The following SLC8A1 variants were observed in gnomAD, a reference collection of about 807,000 sequenced individuals.
The protein encoded by SLC8A1 is solute carrier family 8 member A1, also known as sodium/calcium exchanger 1.
A neutral mutation model predicts 68.3 loss-of-function variants in SLC8A1; 18 were observed. That is an observed-to-expected ratio of 0.26 (90% CI 0.18 to 0.39). The LOEUF is 0.39. Among genes scored for constraint, SLC8A1 ranks in the 10% least tolerant of loss-of-function variants. The pLI is 1.00. For missense variants in SLC8A1, 985 were observed against 1,156.7 expected, an observed-to-expected ratio of 0.85 and a Z score of 2.15; for synonymous variants, 475 against 415.5, an observed-to-expected ratio of 1.14 and a Z score of -1.74.
chr2:40,122,197 T>TGC (rs58019753), intron 7 of SLC8A1, among the ~76,000 whole-genome samples: 22,101 of 115,890 alleles, frequency 0.19, 1,849 homozygotes, highest in Admixed American at 0.26. Context: ...CACAAGTGCA[T>TGC]GCGCGCGCGC....
chr2:40,315,023 G>A (rs943425394), intron 2 of SLC8A1, among the ~76,000 whole-genome samples: 3 of 151,852 alleles, frequency 2.0e-5, no homozygotes, highest in Non-Finnish European at 4.4e-5. Context: ...CCAGTACAAC[G>A]TTGAATAAAA....
rs189469877 is a variant in SLC8A1, at chr2:40,224,285, G to T, written c.1809-46430C>A. On this transcript the variant is annotated intron_variant, in intron 2 of 7. Transcript: ENST00000406785. ...GAAAAGACAGAGGCCCGATTAAAAGGCTTCAGGAGGCAGAGTCAGAGAGGC... is the reference window on the plus strand; with the variant it reads ...GAAAAGACAGAGGCCCGATTAAAAGTCTTCAGGAGGCAGAGTCAGAGAGGC... 2.8e-3 allele frequency among the ~76,000 whole-genome samples: 432 copies of T among 152,156 alleles called. 2 individuals carry two copies. Among genetic ancestry groups the T allele is most frequent in the African/African-American group, 9.5e-3 (393 of 41,514 alleles).
intron 2 of SLC8A1, among the ~76,000 whole-genome samples, chr2:40,300,339 A>G (rs1323558775): frequency 6.6e-6 from 1 of 152,182 alleles, no homozygotes; most frequent in African/African-American, 2.4e-5. Flanking sequence ...AGATCTAGAC[A>G]GGTCACATAC....
chr2:40,155,662 G>A (rs948350656), intron 6 of SLC8A1, among the ~76,000 whole-genome samples: 2 of 152,136 alleles, frequency 1.3e-5, no homozygotes, highest in Non-Finnish European at 2.9e-5. Context: ...GTGAATTATT[G>A]TCCAGGGGAC....
intron 2 of SLC8A1, among the ~76,000 whole-genome samples, chr2:40,271,106 A>G (rs2065967066): frequency 6.6e-6 from 1 of 152,112 alleles, no homozygotes; most frequent in East Asian, 1.9e-4. Context: ...ACACAATCAC[A>G]GTATGCCACT....
chr2:40,356,602 A>G (rs934527072), intron 2 of SLC8A1, among the ~76,000 whole-genome samples: 8 of 118,854 alleles, frequency 6.7e-5, no homozygotes, highest in African/African-American at 2.1e-4. Flanking sequence ...CCAAGATACC[A>G]AGAAAAAAAA....
intron 2 of SLC8A1, among the ~76,000 whole-genome samples, chr2:40,419,898 G>A (rs900205993): frequency 1.3e-5 from 2 of 152,082 alleles, no homozygotes; most frequent in Non-Finnish European, 1.5e-5. Flanking sequence ...ATTGCTATCA[G>A]GTTTACACCA....
chr2:40,408,676 T>G (rs1302196697), intron 2 of SLC8A1, among the ~76,000 whole-genome samples: 2 of 152,178 alleles, frequency 1.3e-5, no homozygotes, highest in Admixed American at 1.3e-4. Flanking sequence ...CAGAGAAGCA[T>G]GCCTTCACAC....
At position 40,239,687 on chromosome 2, in the gene SLC8A1, C is replaced by CAAAAA. The variant is rs1042921268; in HGVS notation, c.1809-61837_1809-61833dup. ...AGAGCAAGACTCTGTCTCAAAAAAA[C>CAAAAA]AAAAACAAAAACAAAAAAACTGGTG... On this transcript the variant is annotated intron_variant, in intron 2 of 7. Coordinates refer to ENST00000406785, the Ensembl canonical transcript of SLC8A1. Among the ~76,000 whole-genome samples, 4 of 151,614 alleles carry CAAAAA rather than the reference C, an allele frequency of 2.6e-5. No homozygotes were observed. In the South Asian group the frequency reaches 8.3e-4, roughly 31 times the overall value.
chr2:40,142,425 TGG>T (rs2041752604), intron 6 of SLC8A1, among the ~76,000 whole-genome samples: 2 of 152,214 alleles, frequency 1.3e-5, no homozygotes, highest in Non-Finnish European at 2.9e-5. Flanking sequence ...ATATTTATTT[TGG>T]ATCCTATCCT....
chr2:40,361,464 C>CTTTTTT (rs60746878), intron 2 of SLC8A1, among the ~76,000 whole-genome samples: 1 of 146,958 alleles, frequency 6.8e-6, no homozygotes. Context: ...CTGAAGGAGC[C>CTTTTTT]TTTTTTTTTT....
intron 6 of SLC8A1, among the ~76,000 whole-genome samples, chr2:40,150,995 T>C (rs1240813906): frequency 6.6e-6 from 1 of 152,196 alleles, no homozygotes; most frequent in African/African-American, 2.4e-5. Context: ...ATCTGGAACT[T>C]ACTCTGTCTT....
At chr2:40,160,699 CA>C in intron 6 of SLC8A1, 65 bp downstream of exon 9, 2 of 1,405,850 alleles carry the variant, frequency 1.4e-6, no homozygotes, top group Non-Finnish European at 2.0e-6. Context: ...ACCAAGTAGC[CA>C]CAGTAGGAAA....
chr2:40,226,546 G>A (rs2059002790), intron 2 of SLC8A1, among the ~76,000 whole-genome samples: 1 of 152,142 alleles, frequency 6.6e-6, no homozygotes, highest in South Asian at 2.1e-4. Context: ...CTACAAAGGA[G>A]TCAACTACAG....
At chr2:40,180,400 T>C (rs1326209219) in intron 2 of SLC8A1, among the ~76,000 whole-genome samples, 1 of 152,214 alleles carries the variant, frequency 6.6e-6, no homozygotes, top group Non-Finnish European at 1.5e-5. Context: ...TCAAATTTGC[T>C]CTACACAAAA....
intron 1 of SLC8A1, among the ~76,000 whole-genome samples, chr2:40,433,452 A>G (rs1229607743): frequency 6.6e-6 from 1 of 152,304 alleles, no homozygotes; most frequent in East Asian, 1.9e-4. Flanking sequence ...TTAAACAGTC[A>G]CAGATACCAT....
At position 40,499,989 on chromosome 2, in the gene SLC8A1, G is replaced by A. The variant is rs149682345; in HGVS notation, c.-25+12360C>T. The stretch of plus-strand genomic sequence containing the variant: ...GTGGGAAAAGGCTTCTTTCTATCTC[G>A]AGATCAGAACAACCTTGAGATTTTA... On this transcript the variant is annotated intron_variant, in intron 1 of 7. Coordinates refer to the SLC8A1 transcript ENST00000402441. 2.6e-3 allele frequency among the ~76,000 whole-genome samples: 403 copies of A among 152,120 alleles called. 2 individuals carry two copies. The highest frequency in any genetic ancestry group is 5.2e-3 in the Non-Finnish European group (354 of 67,982).
intron 2 of SLC8A1, among the ~76,000 whole-genome samples, chr2:40,184,884 A>T (rs1435967305): frequency 1.5e-5 from 2 of 137,716 alleles, no homozygotes; most frequent in East Asian, 3.9e-4. Context: ...TTACAAAGAC[A>T]AACTAACCAA....
intron 2 of SLC8A1, among the ~76,000 whole-genome samples, chr2:40,238,571 C>T (rs938109444): frequency 2.6e-5 from 4 of 152,320 alleles, no homozygotes; most frequent in South Asian, 2.1e-4. Flanking sequence ...TCTTCTGCGT[C>T]GCTCACGCTG....
Sources: gnomAD v4.1 joint callset for allele counts (sites outside exome capture counted in the v4.1 genomes callset) on GRCh38, gnomAD v4.1.1 for gene constraint, MANE v1.5 for transcripts, NCBI Gene and HGNC (gene_info 2026-07-23, HGNC 2026-07-21) for gene names.